The following BCKDHB variants were observed in gnomAD, a reference collection of about 807,000 sequenced individuals.
BCKDHB encodes branched chain keto acid dehydrogenase E1 subunit beta.
BCKDHB carries 41 observed loss-of-function variants against 48.5 expected under a neutral mutation model. That is an observed-to-expected ratio of 0.85 (90% CI 0.66 to 1.10). BCKDHB has a LOEUF of 1.10. Ranked by LOEUF, BCKDHB falls within the 50% of genes least tolerant of loss-of-function variation. The probability of loss-of-function intolerance (pLI) is 0.00; values close to 1 mark genes in which losing one functional copy is unlikely to be tolerated. For synonymous variants in BCKDHB, 201 were observed against 174.8 expected, an observed-to-expected ratio of 1.15 and a Z score of -1.18; for missense variants, 496 against 494.2, an observed-to-expected ratio of 1.00 and a Z score of -0.03.
intron 6 of BCKDHB, among the ~76,000 whole-genome samples, chr6:80,198,272 A>G (rs906858808): frequency 6.6e-6 from 1 of 152,162 alleles, no homozygotes. Context: ...CCCACCCCTC[A>G]TTTAGACAGT....
chr6:80,176,797 A>G (rs928582990), intron 6 of BCKDHB, among the ~76,000 whole-genome samples: 2 of 152,192 alleles, frequency 1.3e-5, no homozygotes, highest in African/African-American at 2.4e-5. Flanking sequence ...AGTCACTTCA[A>G]CTTAGGTTAG....
intron 9 of BCKDHB, among the ~76,000 whole-genome samples, chr6:80,281,949 T>C (rs1465001511): frequency 6.6e-6 from 1 of 151,842 alleles, no homozygotes; most frequent in African/African-American, 2.4e-5. Flanking sequence ...AATCAGAAAA[T>C]TAAAAGGCAG....
chr6:80,116,910 G>A (rs971535690), intron 1 of BCKDHB, among the ~76,000 whole-genome samples: 6 of 152,148 alleles, frequency 3.9e-5, no homozygotes, highest in Non-Finnish European at 5.9e-5. Flanking sequence ...CATGCTATAA[G>A]TAGGTTTATC....
chr6:80,138,204 C>A lies in BCKDHB; in HGVS notation c.343+8975C>A, dbSNP rs149156859. Among the ~76,000 whole-genome samples the A allele has an allele frequency of 1.7e-3, 265 of 152,130 alleles. 1 individual carries two copies. The highest frequency in any genetic ancestry group is 6.0e-3 in the African/African-American group (251 of 41,510). ...GTCTAGGGCTCACGCTTCCTAAAAC[C>A]CAGTTCTAGGATTTTTGTACTATAT... On this transcript the variant is annotated intron_variant, in intron 3 of 9. Coordinates refer to ENST00000320393, the MANE Select transcript of BCKDHB (RefSeq NM_183050.4).
chr6:80,374,259 A>G, the BCKDHB span: 3 of 787,894 alleles, frequency 3.8e-6, no homozygotes, highest in Non-Finnish European at 6.8e-6. Flanking sequence ...TAAACCCTTA[A>G]GTTCACCATT....
intron 8 of BCKDHB, among the ~76,000 whole-genome samples, chr6:80,205,852 G>T (rs1004789457): frequency 4.2e-4 from 62 of 149,124 alleles, no homozygotes; most frequent in Non-Finnish European, 1.0e-4. Flanking sequence ...ATTGGCTTAA[G>T]AGAATCAGCT....
At chr6:80,279,134 T>C (rs1778090939) in intron 9 of BCKDHB, among the ~76,000 whole-genome samples, 1 of 151,900 alleles carries the variant, frequency 6.6e-6, no homozygotes, top group African/African-American at 2.4e-5. Flanking sequence ...TTTTTGTTTG[T>C]TTGTTTGTTT....
chr6:80,137,392 T>C lies in BCKDHB; in HGVS notation c.343+8163T>C, dbSNP rs573502788. ...TGTCAGCACTATTTATTTATTTCTC[T>C]ATTTATTTGTTTAAGAGTCAGGGTC... On this transcript the variant is annotated intron_variant, in intron 3 of 9. Coordinates refer to ENST00000320393, the MANE Select transcript of BCKDHB (RefSeq NM_183050.4). 1.2e-3 allele frequency among the ~76,000 whole-genome samples: 190 copies of C among 152,288 alleles called. 2 individuals are homozygous for C. The highest frequency in any genetic ancestry group is 2.4e-3 in the Non-Finnish European group (165 of 68,024).
the BCKDHB span, among the ~76,000 whole-genome samples, chr6:80,385,513 A>G: frequency 1.3e-5 from 2 of 152,180 alleles, no homozygotes; most frequent in African/African-American, 2.4e-5. Context: ...CCCCATTCCC[A>G]GTAGTGGCAA....
chr6:80,136,824 ATATATAAATTACCAG>A (rs1257835653), intron 3 of BCKDHB, among the ~76,000 whole-genome samples: 4 of 152,300 alleles, frequency 2.6e-5, no homozygotes, highest in East Asian at 1.9e-4. Flanking sequence ...TTGATAATTT[ATATATAAATTACCAG>A]TATATAAATT....
intron 9 of BCKDHB, chr6:80,307,973 A>C: frequency 1.1e-6 from 1 of 931,640 alleles, no homozygotes; most frequent in Non-Finnish European, 1.3e-6. Context: ...TTTGAATGCC[A>C]GATACTGCAA....
In BCKDHB at chr6:80,228,142, GC is replaced by G. The variant is rs562613370; in HGVS notation, c.951+24932del. Among the ~76,000 whole-genome samples the G allele has an allele frequency of 4.6e-5, 7 of 152,224 alleles. 1 individual carries two copies. Among genetic ancestry groups the G allele is most frequent in the Non-Finnish European group, 8.8e-5 (6 of 68,030 alleles). Reference sequence around the variant, plus strand: ...CTTCCCACAGGAAAATTTGGGAAATGCCTGGATGGACCAAGAAGGCAGTCAT... The same window carrying G: ...CTTCCCACAGGAAAATTTGGGAAATGCTGGATGGACCAAGAAGGCAGTCAT... On this transcript the variant is annotated intron_variant, in intron 8 of 9. Transcript: ENST00000320393.
At chr6:80,430,314 G>T in the BCKDHB span, among the ~76,000 whole-genome samples, 1 of 152,114 alleles carries the variant, frequency 6.6e-6, no homozygotes, top group African/African-American at 2.4e-5. Context: ...AGGGATATTG[G>T]CCTAAAATTT....
At chr6:80,353,566 C>G in the BCKDHB span, among the ~76,000 whole-genome samples, 1 of 151,378 alleles carries the variant, frequency 6.6e-6, no homozygotes, top group Non-Finnish European at 1.5e-5. Flanking sequence ...AATAATAGCT[C>G]TTCTGTGGCC....
intron 6 of BCKDHB, among the ~76,000 whole-genome samples, chr6:80,193,536 T>C (rs1226980261): frequency 6.6e-6 from 1 of 152,052 alleles, no homozygotes; most frequent in East Asian, 1.9e-4. Context: ...CTGGCCAACA[T>C]GGCAAAACCC....
intron 9 of BCKDHB, among the ~76,000 whole-genome samples, chr6:80,275,712 G>C (rs1777941970): frequency 6.6e-6 from 1 of 151,566 alleles, no homozygotes; most frequent in Non-Finnish European, 1.5e-5. Context: ...ATATAATTTT[G>C]AGTAATCTGA....
chr6:80,323,403 C>A (rs1271915234), intron 9 of BCKDHB, among the ~76,000 whole-genome samples: 1 of 151,974 alleles, frequency 6.6e-6, no homozygotes, highest in Non-Finnish European at 1.5e-5. Context: ...AAATTGTGAG[C>A]TTATATTTTC....
At chr6:80,248,324 T>A (rs1776697159) in intron 8 of BCKDHB, among the ~76,000 whole-genome samples, 1 of 152,214 alleles carries the variant, frequency 6.6e-6, no homozygotes, top group Admixed American at 6.6e-5. Context: ...GAACATGGGA[T>A]ATAGTTCCAG....
intron 8 of BCKDHB, among the ~76,000 whole-genome samples, chr6:80,261,901 T>C (rs1253533431): frequency 6.6e-6 from 1 of 152,174 alleles, no homozygotes; most frequent in East Asian, 1.9e-4. Context: ...TTTACTAATC[T>C]TTGAATAGGG....
Sources: allele counts gnomAD v4.1 joint callset (sites outside exome capture counted in the v4.1 genomes callset), GRCh38; gene constraint gnomAD v4.1.1; transcripts MANE v1.5; gene names NCBI Gene and HGNC (gene_info 2026-07-23, HGNC 2026-07-21).